The following RFX7 variants were observed in gnomAD, a reference collection of about 807,000 sequenced individuals.
RFX7 encodes the protein DNA-binding protein RFX7.
In RFX7, 26 loss-of-function variants were observed where a neutral mutation model predicts 111.8. The observed-to-expected ratio is 0.23, with a 90% CI of 0.17 to 0.32. The LOEUF is 0.32. Among genes scored for constraint, RFX7 ranks in the 10% least tolerant of loss-of-function variants. The pLI, the probability that RFX7 is intolerant of heterozygous loss-of-function variation, is 1.00. For missense variants in RFX7, 1,573 were observed against 1,772.9 expected (o/e 0.89, Z 2.02); for synonymous variants, 624 against 624.4 (o/e 1.00, Z 0.01).
chr15:56,187,829 A>G (rs2043058127), intron 2 of RFX7, among the ~76,000 whole-genome samples: 1 of 152,208 alleles, frequency 6.6e-6, no homozygotes, highest in Non-Finnish European at 1.5e-5. Context: ...GATGTCTACT[A>G]AAACAAAAAG....
chr15:56,141,656 A>AATATATATATATATAATATATATAT (rs2042397373), intron 5 of RFX7, among the ~76,000 whole-genome samples: 1 of 83,210 alleles, frequency 1.2e-5, no homozygotes, highest in Non-Finnish European at 2.2e-5. Context: ...GCTTACTCTA[A>AATATATATATATATAATATATATAT]ATATATATAT....
Position 56,093,690 on chromosome 15 carries a change from G to A in RFX7, c.4038C>T (p.Phe1346=), listed in dbSNP as rs2041628618. The A allele has an allele frequency of 6.2e-7, 1 of 1,613,742 alleles. No individual in the cohort carries two copies. Among genetic ancestry groups the A allele is most frequent in the Non-Finnish European group, 8.5e-7 (1 of 1,179,830 alleles). ...TCAACAGGTCTTTAACAGTGCTATT[G>A]AAATCTAATTGTTGCTCTCCAATTT... The part of the protein sequence containing the change: ...QSEIGEQQLD[F]NSTVKDLLSG... The change falls in exon 10 of 10, where the codon TTC becomes TTT. Residue 1346 remains phenylalanine, a synonymous_variant. Transcript: ENST00000559447.
At chr15:56,148,703 G>A (rs1222043655) in intron 3 of RFX7, among the ~76,000 whole-genome samples, 1 of 152,142 alleles carries the variant, frequency 6.6e-6, no homozygotes, top group East Asian at 1.9e-4. Context: ...ACATTTCTCA[G>A]TCCACTTTGC....
At chr15:56,105,853 G>C (rs2041823240) in intron 5 of RFX7, among the ~76,000 whole-genome samples, 1 of 151,990 alleles carries the variant, frequency 6.6e-6, no homozygotes, top group Non-Finnish European at 1.5e-5. Flanking sequence ...TGTTTTTAAA[G>C]AAAAAAGGAC....
At position 56,131,251 on chromosome 15, in the gene RFX7, T is replaced by C. The variant is rs2042210300; in HGVS notation, c.401+11527A>G. Among the ~76,000 whole-genome samples the C allele has an allele frequency of 5.6e-5, 8 of 143,750 alleles. No homozygotes were observed. The South Asian group carries it at 1.8e-3, about 32-fold the overall frequency. The allele number at this position is 143,750 out of a possible 152,430, so 94.3% of individuals were successfully genotyped here. A position where few individuals can be genotyped will look rare whatever the true frequency, so the allele number is the denominator to read the frequency against. On this transcript the variant is annotated intron_variant, in intron 5 of 9. Transcript: ENST00000559447. ...ATAAGGAGGACATTCATTCTAGAAATAAGAGATTATATTAGGTATCTTTTT... is the reference window on the plus strand; with the variant it reads ...ATAAGGAGGACATTCATTCTAGAAACAAGAGATTATATTAGGTATCTTTTT...
Position 56,148,708 on chromosome 15 carries a change from C to T in RFX7, c.196-4225G>A, listed in dbSNP as rs1432950594. Among the ~76,000 whole-genome samples the T allele has an allele frequency of 4.6e-5, 7 of 152,318 alleles. No homozygotes were observed. In the South Asian group the frequency reaches 8.3e-4, roughly 18 times the overall value. On this transcript the variant is annotated intron_variant, in intron 3 of 9. Coordinates refer to ENST00000559447, the MANE Select transcript of RFX7 (RefSeq NM_022841.7). The stretch of plus-strand genomic sequence containing the variant: ...CTGCTCACCTACATTTCTCAGTCCA[C>T]TTTGCAGTTAGCTTGTAGTCATGTG...
chr15:56,235,954 A>G (rs1201171037), intron 2 of RFX7, among the ~76,000 whole-genome samples: 2 of 152,212 alleles, frequency 1.3e-5, no homozygotes, highest in East Asian at 1.9e-4. Context: ...AATCCAAGAC[A>G]TAACAGATTG....
chr15:56,196,882 A>T (rs977158827), intron 2 of RFX7, among the ~76,000 whole-genome samples: 8 of 152,232 alleles, frequency 5.3e-5, no homozygotes, highest in Non-Finnish European at 2.9e-5. Flanking sequence ...AGATCTTGTT[A>T]TTCATATTGC....
At chr15:56,154,407 A>G (rs1241736244) in intron 3 of RFX7, among the ~76,000 whole-genome samples, 1 of 151,628 alleles carries the variant, frequency 6.6e-6, no homozygotes, top group Non-Finnish European at 1.5e-5. Context: ...GTAACCAAAC[A>G]GCATGGTACT....
At chr15:56,201,197 T>C (rs577186351) in intron 2 of RFX7, among the ~76,000 whole-genome samples, 2 of 152,280 alleles carry the variant, frequency 1.3e-5, no homozygotes, top group East Asian at 1.9e-4. Flanking sequence ...TTATTACTCT[T>C]TTCTAGAGTT....
intron 5 of RFX7, among the ~76,000 whole-genome samples, chr15:56,115,213 TG>T (rs1485524319): frequency 1.3e-5 from 2 of 152,182 alleles, no homozygotes; most frequent in Non-Finnish European, 2.9e-5. Context: ...GGATTTGCCA[TG>T]TTGGCCAGGC....
intron 5 of RFX7, among the ~76,000 whole-genome samples, chr15:56,126,551 CTTACT>C (rs1301307341): frequency 6.6e-6 from 1 of 152,088 alleles, no homozygotes; most frequent in African/African-American, 2.4e-5. Context: ...AAATGTAAAC[CTTACT>C]TTATCAGTAA....
chr15:56,198,965 A>T (rs1307617796), intron 2 of RFX7, among the ~76,000 whole-genome samples: 1 of 151,974 alleles, frequency 6.6e-6, no homozygotes, highest in East Asian at 1.9e-4. Context: ...GTTCAAGACC[A>T]GCCTGTTCAA....
At chr15:56,196,004 C>A in intron 2 of RFX7, among the ~76,000 whole-genome samples, 1 of 151,948 alleles carries the variant, frequency 6.6e-6, no homozygotes. Context: ...CTAATTTCAG[C>A]CAGAAGAATG....
At chr15:56,107,543 C>G (rs547333354) in intron 5 of RFX7, among the ~76,000 whole-genome samples, 17 of 152,112 alleles carry the variant, frequency 1.1e-4, no homozygotes, top group African/African-American at 4.1e-4. Context: ...TCACAAAAGA[C>G]TTGTGGTAAA....
chr15:56,165,254 C>G (rs1245496478), intron 3 of RFX7, among the ~76,000 whole-genome samples: 3 of 152,172 alleles, frequency 2.0e-5, no homozygotes, highest in Non-Finnish European at 4.4e-5. Context: ...TGGGGAACCC[C>G]TGTTTTAAAG....
chr15:56,125,546 T>A (rs2042131759), intron 5 of RFX7, among the ~76,000 whole-genome samples: 1 of 152,034 alleles, frequency 6.6e-6, no homozygotes, highest in East Asian at 1.9e-4. Flanking sequence ...TTTTTTAGTT[T>A]TCCTTGTAGA....
intron 2 of RFX7, among the ~76,000 whole-genome samples, chr15:56,217,556 CA>C (rs1268868096): frequency 2.0e-5 from 3 of 151,980 alleles, no homozygotes; most frequent in Admixed American, 1.3e-4. Flanking sequence ...ATAAAACACA[CA>C]CTTTATAGAC....
At chr15:56,155,937 G>T (rs899558102) in intron 3 of RFX7, among the ~76,000 whole-genome samples, 32 of 151,974 alleles carry the variant, frequency 2.1e-4, no homozygotes, top group African/African-American at 5.6e-4. Flanking sequence ...ATAAGCACCA[G>T]TTTAGAATAT....
Sources: allele counts gnomAD v4.1 joint callset (sites outside exome capture counted in the v4.1 genomes callset), GRCh38; gene constraint gnomAD v4.1.1; transcripts MANE v1.5; gene names NCBI Gene and HGNC (gene_info 2026-07-23, HGNC 2026-07-21).